Variants in SPAG17 observed in about 807,000 individuals in gnomAD.
The protein encoded by SPAG17 is sperm-associated antigen 17.
SPAG17 carries 169 observed loss-of-function variants against 273.6 expected under a neutral mutation model. The ratio of observed to expected loss-of-function variants is 0.62; its 90% CI spans 0.55 to 0.70. The LOEUF is 0.70. Ranked by LOEUF, SPAG17 falls within the 30% of genes least tolerant of loss-of-function variation. The pLI is 0.00. For synonymous variants in SPAG17, 825 were observed against 873.2 expected, an observed-to-expected ratio of 0.94 and a Z score of 0.97; for missense variants, 2,557 against 2,627.8, an observed-to-expected ratio of 0.97 and a Z score of 0.59.
intron 3 of SPAG17, among the ~76,000 whole-genome samples, chr1:118,134,055 A>T (rs1334142593): frequency 6.6e-6 from 1 of 152,246 alleles, no homozygotes; most frequent in East Asian, 1.9e-4. Flanking sequence ...TATCAGAAGG[A>T]CTGTAAATTC....
At chr1:117,987,797 C>T (rs1333971006) in intron 40 of SPAG17, 37 bp downstream of exon 40, 2 of 1,609,076 alleles carry the variant, frequency 1.2e-6, no homozygotes, top group Admixed American at 3.3e-5. Context: ...ACTCTGGGCC[C>T]TTTCAGGTCC....
At chr1:117,991,653 C>A (rs749991998) in intron 36 of SPAG17, 125 bp from the exon 37 acceptor site, 95 of 544,658 alleles carry the variant, frequency 1.7e-4, no homozygotes, top group Admixed American at 2.6e-4. Flanking sequence ...TGCTCAACAA[C>A]TGTTTACTAG....
intron 43 of SPAG17, among the ~76,000 whole-genome samples, chr1:117,980,459 C>T (rs1417439972): frequency 3.3e-5 from 5 of 152,068 alleles, no homozygotes; most frequent in Admixed American, 1.3e-4. Context: ...CTTGCACTCC[C>T]GACCTCAAGT....
intron 9 of SPAG17, 90 bp downstream of exon 9, chr1:118,091,840 G>T: frequency 7.1e-7 from 1 of 1,416,122 alleles, no homozygotes; most frequent in Non-Finnish European, 1.0e-6. Context: ...TGTAGGTGAA[G>T]GGAGGCTGAA....
At chr1:118,056,048 G>A (rs1337913196) in intron 18 of SPAG17, 134 bp from the exon 19 acceptor site, 6 of 627,122 alleles carry the variant, frequency 9.6e-6, no homozygotes, top group Middle Eastern at 4.5e-4. Flanking sequence ...GATGTATTTT[G>A]TACAAAATAG....
chr1:118,014,301 T>C (rs956089105), intron 29 of SPAG17, among the ~76,000 whole-genome samples: 4 of 152,208 alleles, frequency 2.6e-5, no homozygotes, highest in African/African-American at 9.7e-5. Flanking sequence ...GCATTTGGTG[T>C]TTTTAATTCA....
At chr1:118,124,645 ACACCCTGTG>A (rs942207789) in intron 3 of SPAG17, among the ~76,000 whole-genome samples, 7 of 152,222 alleles carry the variant, frequency 4.6e-5, no homozygotes, top group African/African-American at 1.7e-4. Flanking sequence ...TATGTAGCAC[ACACCCTGTG>A]CTGGACAAGG....
rs141929539 is a variant in SPAG17, at chr1:117,972,041, C to A, written c.6148G>T (p.Asp2050Tyr). Residue 2050 changes from aspartate (D) to tyrosine (Y), a missense_variant, in exon 45 of 49, where the codon GAT (aspartate) becomes TAT (tyrosine). Coordinates refer to ENST00000336338, the MANE Select transcript of SPAG17 (RefSeq NM_206996.4). ...PKSQPLAKVQ[D>Y]SVGGKVNTSS... ...GTGTTCACTTTTCCTCCAACAGAAT[C>A]TTGCACCTTTGCATTAAGAAAAAAT... 2 of 1,610,476 alleles carry A rather than the reference C, an allele frequency of 1.2e-6. No homozygotes were observed. Among genetic ancestry groups the A allele is most frequent in the Non-Finnish European group, 8.5e-7 (1 of 1,178,430 alleles).
intron 32 of SPAG17, among the ~76,000 whole-genome samples, chr1:118,001,135 C>T (rs1055423556): frequency 7.2e-5 from 11 of 152,052 alleles, no homozygotes; most frequent in East Asian, 3.9e-4. Flanking sequence ...TAATGGTTTG[C>T]GTATGTTGAA....
intron 39 of SPAG17, 56 bp from the exon 40 acceptor site, chr1:117,987,937 A>G: frequency 3.3e-5 from 53 of 1,590,462 alleles, no homozygotes; most frequent in Non-Finnish European, 4.1e-5. Flanking sequence ...CAGCTTAAAA[A>G]CAAAACCAAA....
At chr1:118,145,718 A>C (rs1658944552) in intron 3 of SPAG17, among the ~76,000 whole-genome samples, 1 of 147,044 alleles carries the variant, frequency 6.8e-6, no homozygotes, top group South Asian at 2.1e-4. Context: ...GACAGGAGTA[A>C]AAAAAAAATT....
chr1:118,089,800 C>A (rs1655251070), intron 10 of SPAG17, among the ~76,000 whole-genome samples: 1 of 152,164 alleles, frequency 6.6e-6, no homozygotes, highest in Non-Finnish European at 1.5e-5. Context: ...CTCTGTATCT[C>A]CACCTAAATC....
intron 3 of SPAG17, among the ~76,000 whole-genome samples, chr1:118,138,269 T>C (rs933286284): frequency 1.3e-5 from 2 of 151,464 alleles, no homozygotes; most frequent in African/African-American, 4.8e-5. Context: ...AATTATTGAC[T>C]ATGCGCTCTT....
At position 118,185,173 on chromosome 1, in the gene SPAG17, AGCATTG is replaced by A; in HGVS notation, c.-22_-17del. Reference sequence around the variant, plus strand: ...TGGGTGCCATGCAAAGGACGGGAGAAGCATTGGCCTCTAAACTGGGCGCAGGCCCTG... The same window carrying A: ...TGGGTGCCATGCAAAGGACGGGAGAAGCCTCTAAACTGGGCGCAGGCCCTG... On this transcript the variant is annotated 5_prime_UTR_variant, in exon 1 of 49. It removes an upstream start codon present in the reference 5' UTR. Coordinates refer to ENST00000336338, the MANE Select transcript of SPAG17 (RefSeq NM_206996.4). 6 of 1,605,346 alleles carry A rather than the reference AGCATTG, an allele frequency of 3.7e-6. No individual in the cohort carries two copies. The highest frequency in any genetic ancestry group is 5.1e-6 in the Non-Finnish European group (6 of 1,171,996).
chr1:118,019,203 T>G (rs1206517373), intron 28 of SPAG17, among the ~76,000 whole-genome samples: 1 of 151,762 alleles, frequency 6.6e-6, no homozygotes, highest in Non-Finnish European at 1.5e-5. Context: ...CTATAATACT[T>G]TAGATATTGA....
chr1:118,157,133 G>C (rs1659691487), intron 1 of SPAG17, among the ~76,000 whole-genome samples: 1 of 152,152 alleles, frequency 6.6e-6, no homozygotes, highest in Admixed American at 6.5e-5. Context: ...CTACAAATCA[G>C]AGATGTTCAC....
At chr1:118,164,943 C>T (rs1015920577) in intron 1 of SPAG17, among the ~76,000 whole-genome samples, 2 of 152,134 alleles carry the variant, frequency 1.3e-5, no homozygotes, top group Admixed American at 1.3e-4. Flanking sequence ...TCAAACACGT[C>T]CTGTGTTTTC....
chr1:118,000,581 A>C (rs960214227), intron 32 of SPAG17, among the ~76,000 whole-genome samples: 28 of 152,078 alleles, frequency 1.8e-4, no homozygotes, highest in Non-Finnish European at 3.8e-4. Context: ...TTCTCTTTGT[A>C]GCAATTGTGA....
intron 40 of SPAG17, among the ~76,000 whole-genome samples, chr1:117,987,297 T>C (rs1656528757): frequency 6.6e-6 from 1 of 152,188 alleles, no homozygotes; most frequent in Admixed American, 6.6e-5. Flanking sequence ...AAGACAACCC[T>C]GACATTTTTA....
Sources: allele counts gnomAD v4.1 joint callset (sites outside exome capture counted in the v4.1 genomes callset), GRCh38; gene constraint gnomAD v4.1.1; transcripts MANE v1.5; gene names NCBI Gene and HGNC (gene_info 2026-07-23, HGNC 2026-07-21).